Variants in SGSM1 observed in about 807,000 individuals in gnomAD.
SGSM1 encodes the protein small G protein signaling modulator 1.
A neutral mutation model predicts 133.8 loss-of-function variants in SGSM1; 73 were observed. The observed-to-expected ratio is 0.55, with a 90% CI of 0.45 to 0.66. The LOEUF (loss-of-function observed/expected upper bound fraction) is 0.66. SGSM1 is among the 30% of genes least tolerant of loss of function. The pLI, the probability that SGSM1 is intolerant of heterozygous loss-of-function variation, is 0.00. For missense variants in SGSM1, 1,213 were observed against 1,448.1 expected (o/e 0.84, Z 2.64); for synonymous variants, 563 against 573.0 (o/e 0.98, Z 0.25).
At chr22:24,848,864 C>T (rs1459953143) in intron 4 of SGSM1, among the ~76,000 whole-genome samples, 1 of 152,228 alleles carries the variant, frequency 6.6e-6, no homozygotes, top group Admixed American at 6.5e-5. Flanking sequence ...GCCCTGCCTG[C>T]CCAGGGCTGC....
rs142456260 is a variant in SGSM1, at chr22:24,923,645, G to A, written c.3194-541G>A. On this transcript the variant is annotated intron_variant, in intron 24 of 24. Coordinates refer to ENST00000400358, the MANE Select transcript of SGSM1 (RefSeq NM_001098497.3). ...TTTTATTTTTATTTTTTTTTGAGACGGAGTTTCGCTCTTGTTGCCCAGGCT... is the reference window on the plus strand; with the variant it reads ...TTTTATTTTTATTTTTTTTTGAGACAGAGTTTCGCTCTTGTTGCCCAGGCT... Among the ~76,000 whole-genome samples, 1,020 of 151,664 alleles carry A rather than the reference G, an allele frequency of 6.7e-3. 11 individuals are homozygous for A. The highest frequency in any genetic ancestry group is 0.023 in the African/African-American group (962 of 41,330).
At chr22:24,861,825 T>G (rs983588613) in intron 9 of SGSM1, among the ~76,000 whole-genome samples, 2 of 151,870 alleles carry the variant, frequency 1.3e-5, no homozygotes, top group Non-Finnish European at 2.9e-5. Context: ...TATTTTTATT[T>G]TTTTTTAATT....
At chr22:24,853,140 T>A (rs192510179) in intron 5 of SGSM1, among the ~76,000 whole-genome samples, 1 of 152,188 alleles carries the variant, frequency 6.6e-6, no homozygotes, top group East Asian at 1.9e-4. Flanking sequence ...CAGAGAGGGG[T>A]GTCACTTGCC....
At chr22:24,870,291 C>T (rs992200435) in intron 12 of SGSM1, among the ~76,000 whole-genome samples, 4 of 152,198 alleles carry the variant, frequency 2.6e-5, no homozygotes, top group African/African-American at 9.6e-5. Flanking sequence ...GTGAAATCCC[C>T]TGGGATGTTG....
At chr22:24,857,525 T>G (rs978607598) in intron 8 of SGSM1, among the ~76,000 whole-genome samples, 17 of 152,236 alleles carry the variant, frequency 1.1e-4, no homozygotes, top group Admixed American at 5.2e-4. Flanking sequence ...CTTTGAAACT[T>G]ACGTGGATGT....
chr22:24,844,686 C>T (rs940170064), intron 2 of SGSM1: 103 of 553,942 alleles, frequency 1.9e-4, no homozygotes, highest in South Asian at 5.4e-4. Flanking sequence ...AGAACCTGAA[C>T]GAATAATTGA....
intron 12 of SGSM1, among the ~76,000 whole-genome samples, chr22:24,873,073 C>T (rs924826496): frequency 1.3e-5 from 2 of 152,100 alleles, no homozygotes; most frequent in Non-Finnish European, 2.9e-5. Flanking sequence ...ATCCTTCCAC[C>T]TCAGCCTCCT....
chr22:24,867,169 T>G lies in SGSM1; in HGVS notation c.994+9T>G. 6.2e-7 allele frequency: 1 copy of G among 1,613,560 alleles called. No individual in the cohort carries two copies. The highest frequency in any genetic ancestry group is 2.2e-5 in the East Asian group (1 of 44,880). ...GCACTGCCACCAGCAAGGTAGGGAC[T>G]GTGGGGACAGGAGGGGTCTGCGTAT... On this transcript the variant is annotated intron_variant, in intron 10 of 24. Transcript: ENST00000400358.
At chr22:24,879,963 C>T (rs1015308397) in intron 14 of SGSM1, among the ~76,000 whole-genome samples, 1 of 152,150 alleles carries the variant, frequency 6.6e-6, no homozygotes, top group African/African-American at 2.4e-5. Flanking sequence ...TCCCCCAAAA[C>T]TTAAATATTA....
intron 2 of SGSM1, among the ~76,000 whole-genome samples, chr22:24,812,967 A>G (rs1927835603): frequency 1.3e-5 from 2 of 152,204 alleles, no homozygotes; most frequent in Admixed American, 6.5e-5. Flanking sequence ...AACAAGAAAT[A>G]TGTATTAAAG....
At chr22:24,868,085 G>T (rs60692199) in intron 10 of SGSM1, among the ~76,000 whole-genome samples, 1 of 152,130 alleles carries the variant, frequency 6.6e-6, no homozygotes, top group Non-Finnish European at 1.5e-5. Context: ...CCTGAGGAGC[G>T]TAGGGTTCTA....
At chr22:24,898,611 G>A in intron 19 of SGSM1, 52 bp downstream of exon 19, 1 of 1,517,236 alleles carries the variant, frequency 6.6e-7, no homozygotes, top group Non-Finnish European at 8.9e-7. Context: ...CTGCAGGAGG[G>A]TGGGATGTAC....
intron 16 of SGSM1, among the ~76,000 whole-genome samples, chr22:24,889,837 G>A (rs1292822322): frequency 6.7e-6 from 1 of 149,080 alleles, no homozygotes; most frequent in African/African-American, 2.5e-5. Flanking sequence ...TTTTAGTAGA[G>A]ACGAGGTTTC....
intron 16 of SGSM1, among the ~76,000 whole-genome samples, chr22:24,892,480 T>C (rs1932831426): frequency 6.6e-6 from 1 of 152,146 alleles, no homozygotes; most frequent in African/African-American, 2.4e-5. Context: ...GTGGCCCTTC[T>C]GTAAGGCCAT....
intron 14 of SGSM1, 118 bp downstream of exon 14, chr22:24,879,644 C>A: frequency 1.1e-6 from 1 of 944,982 alleles, no homozygotes; most frequent in Non-Finnish European, 1.6e-6. Context: ...CCTCTATTCC[C>A]TAGATGTCTG....
At chr22:24,823,749 A>T (rs1928625476) in intron 2 of SGSM1, among the ~76,000 whole-genome samples, 1 of 152,182 alleles carries the variant, frequency 6.6e-6, no homozygotes, top group East Asian at 1.9e-4. Flanking sequence ...CCTGGGCAAC[A>T]TTAAAAAAAA....
chr22:24,815,758 TAGAG>T (rs766764949), intron 2 of SGSM1, among the ~76,000 whole-genome samples: 16 of 151,638 alleles, frequency 1.1e-4, no homozygotes, highest in Non-Finnish European at 7.4e-5. Context: ...AAACTGGAAT[TAGAG>T]AGGGGTAAGG....
intron 16 of SGSM1, among the ~76,000 whole-genome samples, chr22:24,892,046 G>A (rs1428767830): frequency 6.6e-6 from 1 of 152,158 alleles, no homozygotes; most frequent in East Asian, 1.9e-4. Context: ...CGACTGCTAA[G>A]TGGTGCACGG....
intron 2 of SGSM1, among the ~76,000 whole-genome samples, chr22:24,821,316 C>T (rs956745899): frequency 2.0e-5 from 3 of 152,188 alleles, no homozygotes; most frequent in Non-Finnish European, 4.4e-5. Context: ...GGATTACAGG[C>T]GTGAGCCATC....
Sources: gnomAD v4.1 joint callset for allele counts (sites outside exome capture counted in the v4.1 genomes callset) on GRCh38, gnomAD v4.1.1 for gene constraint, MANE v1.5 for transcripts, NCBI Gene and HGNC (gene_info 2026-07-23, HGNC 2026-07-21) for gene names.